The following TGFA variants were observed in gnomAD, a reference collection of about 807,000 sequenced individuals.
TGFA encodes the protein protransforming growth factor alpha.
A neutral mutation model predicts 21.7 loss-of-function variants in TGFA; 12 were observed. That is an observed-to-expected ratio of 0.55 (90% CI 0.35 to 0.90). TGFA has a LOEUF of 0.90. Ranked by LOEUF, TGFA falls within the 40% of genes least tolerant of loss-of-function variation. The probability of loss-of-function intolerance (pLI) is 0.01; values close to 1 mark genes in which losing one functional copy is unlikely to be tolerated. For missense variants in TGFA, 178 were observed against 210.8 expected (o/e 0.84, Z 0.96); for synonymous variants, 79 against 88.1 (o/e 0.90, Z 0.58).
In TGFA at chr2:70,453,239, C is replaced by T. The variant is rs782095962; in HGVS notation, c.454G>A (p.Ala152Thr). The T allele has an allele frequency of 5.3e-5, 85 of 1,613,708 alleles. No individual in the cohort carries two copies. The Admixed American group carries it at 6.0e-4, about 11-fold the overall frequency. The change falls in exon 5 of 6, where the codon GCT becomes ACT. Residue 152 changes from alanine (A) to threonine (T), a missense_variant. Physicochemically the swap from Ala to Thr is moderately conservative, Grantham distance 58. Transcript: ENST00000295400. ...TTACCTGTTTCTGAGTGGCAGCAAG[C>T]GGTTCTTCCCTTCAGGAGGGCGCTG... ...KPSALLKGRT[A>T]CCHSETVV
intron 2 of TGFA, among the ~76,000 whole-genome samples, chr2:70,506,284 C>A (rs1347462043): frequency 1.3e-5 from 2 of 152,210 alleles, no homozygotes; most frequent in African/African-American, 2.4e-5. Flanking sequence ...CACTGTCCGG[C>A]CGAGGTAAAG....
At chr2:70,478,519 C>T (rs1671006753) in intron 2 of TGFA, among the ~76,000 whole-genome samples, 1 of 151,782 alleles carries the variant, frequency 6.6e-6, no homozygotes, top group Admixed American at 6.6e-5. Flanking sequence ...AAAGCATGAC[C>T]ATCCTGGCCC....
At chr2:70,549,942 T>C (rs1673435538) in intron 1 of TGFA, among the ~76,000 whole-genome samples, 1 of 152,228 alleles carries the variant, frequency 6.6e-6, no homozygotes. Flanking sequence ...ATGTTCTAAG[T>C]GAACACTCCC....
At chr2:70,522,044 T>A (rs1553502391) in intron 1 of TGFA, among the ~76,000 whole-genome samples, 1 of 152,234 alleles carries the variant, frequency 6.6e-6, no homozygotes, top group African/African-American at 2.4e-5. Flanking sequence ...CTCAGAGGAA[T>A]CCTTACTTTA....
intron 2 of TGFA, among the ~76,000 whole-genome samples, chr2:70,485,439 T>A (rs1292798583): frequency 6.6e-6 from 1 of 152,220 alleles, no homozygotes; most frequent in African/African-American, 2.4e-5. Context: ...GGTTTCACCA[T>A]GTTGGCCAGG....
Position 70,456,535 on chromosome 2 carries a change from G to A in TGFA, c.216-47C>T, listed in dbSNP as rs1433094668. 4 of 1,554,674 alleles carry A rather than the reference G, an allele frequency of 2.6e-6. No homozygotes were observed. In the African/African-American group the frequency reaches 4.1e-5, roughly 16 times the overall value. ...GTGCACTCTCCTGACAAAAGGTCTT[G>A]TTACCCTAGCTCTCCAGGGAGGGCT... On this transcript the variant is annotated intron_variant, in intron 3 of 5. Transcript: ENST00000295400.
chr2:70,529,169 A>G (rs1672734725), intron 1 of TGFA, among the ~76,000 whole-genome samples: 1 of 152,176 alleles, frequency 6.6e-6, no homozygotes, highest in African/African-American at 2.4e-5. Flanking sequence ...CCGTATTCTC[A>G]TTGCCCAGAA....
chr2:70,521,315 C>T (rs531186051), intron 1 of TGFA, among the ~76,000 whole-genome samples: 1 of 152,216 alleles, frequency 6.6e-6, no homozygotes, highest in Non-Finnish European at 1.5e-5. Flanking sequence ...GTCCTCTGAC[C>T]CCAGCTGCCC....
intron 1 of TGFA, among the ~76,000 whole-genome samples, chr2:70,549,318 C>T (rs1425682266): frequency 2.6e-5 from 4 of 152,142 alleles, no homozygotes; most frequent in South Asian, 2.1e-4. Flanking sequence ...AGCGTCTGAA[C>T]GTACTTTAGG....
intron 1 of TGFA, among the ~76,000 whole-genome samples, chr2:70,545,476 G>A (rs1673273496): frequency 1.3e-5 from 2 of 152,222 alleles, no homozygotes; most frequent in Non-Finnish European, 2.9e-5. Flanking sequence ...GTCATATGAT[G>A]AAAATGGAAT....
chr2:70,509,119 T>C (rs916302697), intron 2 of TGFA, among the ~76,000 whole-genome samples: 5 of 152,174 alleles, frequency 3.3e-5, no homozygotes, highest in African/African-American at 1.2e-4. Context: ...AACTGAGACA[T>C]ACCAAGTGTC....
chr2:70,509,113 G>A lies in TGFA; in HGVS notation c.94+5746C>T, dbSNP rs1228764863. 3.9e-5 allele frequency among the ~76,000 whole-genome samples: 6 copies of A among 152,186 alleles called. No individual in the cohort carries two copies. In the East Asian group the frequency reaches 1.2e-3, roughly 29 times the overall value. On this transcript the variant is annotated intron_variant, in intron 2 of 5. Coordinates refer to ENST00000295400, the MANE Select transcript of TGFA (RefSeq NM_003236.4). ...GTGTATGTGGTTTTATCCCCAAACT[G>A]AGACATACCAAGTGTCTTGTATTAT...
chr2:70,493,477 G>A (rs1671491427), intron 2 of TGFA, among the ~76,000 whole-genome samples: 1 of 152,154 alleles, frequency 6.6e-6, no homozygotes, highest in South Asian at 2.1e-4. Context: ...GAGACTCTGT[G>A]AGGCCTCCAC....
At chr2:70,535,438 A>T (rs782408203) in intron 1 of TGFA, among the ~76,000 whole-genome samples, 1 of 152,246 alleles carries the variant, frequency 6.6e-6, no homozygotes, top group Non-Finnish European at 1.5e-5. Context: ...GATACATAGC[A>T]TCTCCCACTT....
At chr2:70,538,934 C>G (rs1219924594) in intron 1 of TGFA, among the ~76,000 whole-genome samples, 1 of 152,186 alleles carries the variant, frequency 6.6e-6, no homozygotes, top group Non-Finnish European at 1.5e-5. Context: ...ATTAGCATGG[C>G]AAATTTCATC....
chr2:70,534,139 A>G (rs3771476), intron 1 of TGFA, among the ~76,000 whole-genome samples: 21,712 of 152,200 alleles, frequency 0.14, 2,055 homozygotes, highest in African/African-American at 0.27. Flanking sequence ...AAGTTCTTAC[A>G]TACAAGTAAA....
chr2:70,495,514 T>G (rs1416310672), intron 2 of TGFA, among the ~76,000 whole-genome samples: 2 of 152,158 alleles, frequency 1.3e-5, no homozygotes, highest in African/African-American at 4.8e-5. Context: ...TTCTATAACC[T>G]TTTACTTTCC....
chr2:70,486,251 C>T (rs1473027969), intron 2 of TGFA, among the ~76,000 whole-genome samples: 1 of 152,162 alleles, frequency 6.6e-6, no homozygotes, highest in Non-Finnish European at 1.5e-5. Context: ...ACCTATTCCA[C>T]AGTGGCCCTT....
intron 1 of TGFA, among the ~76,000 whole-genome samples, chr2:70,521,617 G>GTTTTTTTTTTTTTT (rs35177436): frequency 3.6e-4 from 31 of 87,084 alleles, no homozygotes; most frequent in South Asian, 4.9e-4. Context: ...TTGTTTGTTT[G>GTTTTTTTTTTTTTT]TTTTTTTTTT....
Sources: allele counts gnomAD v4.1 joint callset (sites outside exome capture counted in the v4.1 genomes callset), GRCh38; gene constraint gnomAD v4.1.1; transcripts MANE v1.5; gene names NCBI Gene and HGNC (gene_info 2026-07-23, HGNC 2026-07-21).